Variants in TMEM74 observed in about 807,000 individuals in gnomAD.
TMEM74 encodes transmembrane protein 74.
TMEM74 carries 13 observed loss-of-function variants against 18.1 expected under a neutral mutation model. The observed-to-expected ratio is 0.72, with a 90% CI of 0.47 to 1.14. The LOEUF (loss-of-function observed/expected upper bound fraction) is 1.14. TMEM74 is among the 50% of genes most tolerant of loss of function. TMEM74 has a pLI of 0.00. For synonymous variants in TMEM74, 159 were observed against 146.6 expected, an observed-to-expected ratio of 1.08 and a Z score of -0.61; for missense variants, 372 against 375.9, an observed-to-expected ratio of 0.99 and a Z score of 0.09.
chr8:108,711,152 A>G (rs80162126), intron 1 of TMEM74, among the ~76,000 whole-genome samples: 1 of 152,314 alleles, frequency 6.6e-6, no homozygotes, highest in East Asian at 1.9e-4. Context: ...TGACTCTAAT[A>G]TACCACAATC....
At chr8:108,692,565 C>T (rs983517422) in intron 1 of TMEM74, among the ~76,000 whole-genome samples, 5 of 152,110 alleles carry the variant, frequency 3.3e-5, no homozygotes, top group Non-Finnish European at 7.4e-5. Context: ...GCATTCTAGA[C>T]CAGACCTGCA....
At chr8:108,666,518 T>C (rs554059749) in intron 1 of TMEM74, among the ~76,000 whole-genome samples, 2 of 152,286 alleles carry the variant, frequency 1.3e-5, no homozygotes, top group Admixed American at 1.3e-4. Flanking sequence ...TTGTCCCAGC[T>C]TATGGACAAA....
intron 1 of TMEM74, among the ~76,000 whole-genome samples, chr8:108,746,081 T>G (rs1301164555): frequency 6.6e-6 from 1 of 152,090 alleles, no homozygotes; most frequent in South Asian, 2.1e-4. Context: ...ATAAACCTCT[T>G]CCTTCTTTAA....
intron 1 of TMEM74, among the ~76,000 whole-genome samples, chr8:108,745,833 G>A (rs1813843499): frequency 6.6e-6 from 1 of 152,110 alleles, no homozygotes; most frequent in South Asian, 2.1e-4. Flanking sequence ...GACCTAATCA[G>A]TTATGTTATC....
intron 1 of TMEM74, among the ~76,000 whole-genome samples, chr8:108,689,308 C>T (rs1218214492): frequency 6.6e-6 from 1 of 152,166 alleles, no homozygotes; most frequent in Non-Finnish European, 1.5e-5. Context: ...GGTTAAGGAA[C>T]CACACCTCCA....
chr8:108,710,697 C>T (rs1813466018), intron 1 of TMEM74, among the ~76,000 whole-genome samples: 1 of 152,214 alleles, frequency 6.6e-6, no homozygotes, highest in African/African-American at 2.4e-5. Flanking sequence ...GGTTGGCTCT[C>T]TCTTGCCGTC....
intron 1 of TMEM74, among the ~76,000 whole-genome samples, chr8:108,717,536 A>G (rs1586271788): frequency 6.6e-6 from 1 of 152,300 alleles, no homozygotes; most frequent in East Asian, 1.9e-4. Flanking sequence ...GTTATGTAGT[A>G]TATTAGAGCT....
intron 1 of TMEM74, among the ~76,000 whole-genome samples, chr8:108,677,045 C>T (rs1422212772): frequency 6.6e-6 from 1 of 152,214 alleles, no homozygotes; most frequent in East Asian, 1.9e-4. Context: ...CAGCTATTGG[C>T]ACTTACAGTT....
At chr8:108,660,617 C>T (rs1347694018) in intron 1 of TMEM74, among the ~76,000 whole-genome samples, 3 of 152,144 alleles carry the variant, frequency 2.0e-5, no homozygotes, top group East Asian at 1.9e-4. Context: ...CAATACCTAA[C>T]GTGATACTGT....
chr8:108,638,535 C>T (rs1357629730), intron 2 of TMEM74, among the ~76,000 whole-genome samples: 3 of 147,880 alleles, frequency 2.0e-5, no homozygotes, highest in Non-Finnish European at 4.5e-5. Context: ...TTTTCAGTAA[C>T]TTGGTGAAAT....
At chr8:108,695,948 C>G (rs191474265) in intron 1 of TMEM74, among the ~76,000 whole-genome samples, 27 of 152,208 alleles carry the variant, frequency 1.8e-4, no homozygotes, top group Admixed American at 1.6e-3. Context: ...TGTGCTCTGC[C>G]CTCTGCTGTT....
intron 1 of TMEM74, among the ~76,000 whole-genome samples, chr8:108,717,942 GTTTTTTTTTTTTTTTT>G (rs869263977): frequency 4.4e-5 from 2 of 45,920 alleles, no homozygotes; most frequent in Non-Finnish European, 7.0e-5. Flanking sequence ...TCTGACTTAG[GTTTTTTTTTTTTTTTT>G]TTTTTTTTTT....
chr8:108,726,655 G>A (rs912273256), intron 1 of TMEM74, among the ~76,000 whole-genome samples: 4 of 151,882 alleles, frequency 2.6e-5, no homozygotes, highest in Non-Finnish European at 5.9e-5. Flanking sequence ...TATTAGTTTT[G>A]AACATACATT....
chr8:108,613,865 A>G (rs1259441777), intron 2 of TMEM74, among the ~76,000 whole-genome samples: 1 of 152,146 alleles, frequency 6.6e-6, no homozygotes, highest in Non-Finnish European at 1.5e-5. Context: ...AAATCCCTTG[A>G]CTGAAACTTT....
chr8:108,751,103 C>CA (rs1189702020), intron 1 of TMEM74, among the ~76,000 whole-genome samples: 1 of 151,936 alleles, frequency 6.6e-6, no homozygotes, highest in Non-Finnish European at 1.5e-5. Context: ...TAGAGTCTAG[C>CA]AAAAAATAAT....
At chr8:108,785,841 C>G (rs1250396271) in intron 1 of TMEM74, among the ~76,000 whole-genome samples, 1 of 152,192 alleles carries the variant, frequency 6.6e-6, no homozygotes, top group Non-Finnish European at 1.5e-5. Context: ...CACTGTGCTT[C>G]CACTTAGCCC....
At chr8:108,683,409 T>C (rs1052132130) in intron 1 of TMEM74, among the ~76,000 whole-genome samples, 2 of 151,862 alleles carry the variant, frequency 1.3e-5, no homozygotes, top group African/African-American at 2.4e-5. Context: ...ATTAGCATTT[T>C]TTTCAGACAA....
At chr8:108,738,990 A>G (rs575835793) in intron 1 of TMEM74, among the ~76,000 whole-genome samples, 3 of 152,194 alleles carry the variant, frequency 2.0e-5, no homozygotes, top group Non-Finnish European at 4.4e-5. Flanking sequence ...TACATCTTTC[A>G]GCCAGAAATT....
In TMEM74 at chr8:108,681,121, C is replaced by T. The variant is rs539729841; in HGVS notation, n.120-25684G>A. 6.6e-5 allele frequency among the ~76,000 whole-genome samples: 10 copies of T among 152,258 alleles called. No individual in the cohort carries two copies. In the South Asian group the frequency reaches 2.1e-3, roughly 32 times the overall value. On this transcript the variant is annotated intron_variant and non_coding_transcript_variant, in intron 1 of 3. Transcript: ENST00000518838. ...GTAATTTCTAGATTCAATGCCATCC[C>T]CATTAAGCTACCAATGACTTTCTTC...
Sources: allele counts gnomAD v4.1 joint callset (sites outside exome capture counted in the v4.1 genomes callset), GRCh38; gene constraint gnomAD v4.1.1; transcripts MANE v1.5; gene names NCBI Gene and HGNC (gene_info 2026-07-23, HGNC 2026-07-21).